Variants in GOLGB1 observed in about 807,000 individuals in gnomAD.
GOLGB1 encodes the protein golgin B1, also known as golgin subfamily B member 1.
Under a neutral mutation model 336.9 loss-of-function variants are expected in GOLGB1, and 174 were observed. The observed-to-expected ratio is 0.52, with a 90% CI of 0.46 to 0.59. The LOEUF (loss-of-function observed/expected upper bound fraction) is 0.59. Ranked by LOEUF, GOLGB1 falls within the 20% of genes least tolerant of loss-of-function variation. The pLI is 0.00. For synonymous variants in GOLGB1, 1,208 were observed against 1,289.2 expected (o/e 0.94, Z 1.35); for missense variants, 3,331 against 3,645.3 (o/e 0.91, Z 2.22).
At position 121,730,737 on chromosome 3, in the gene GOLGB1, T is replaced by C. The variant is rs189703268; in HGVS notation, c.96+139A>G. 414 of 776,194 alleles carry C rather than the reference T, an allele frequency of 5.3e-4. 2 individuals carry two copies. The African/African-American group carries it at 6.8e-3, about 13-fold the overall frequency. The allele number at this position is 776,194 out of a possible 1,614,324, so 48.1% of individuals were successfully genotyped here. A position where few individuals can be genotyped will look rare whatever the true frequency, so the allele number is the denominator to read the frequency against. ...AAACTTACAAGAGAAGGATCACTTA[T>C]AAAATTTCAATATTTTTCTTAATCC... On this transcript the variant is annotated intron_variant, in intron 2 of 21. Transcript: ENST00000614479.
chr3:121,708,494 A>T (rs574613649), intron 10 of GOLGB1, among the ~76,000 whole-genome samples: 28 of 152,096 alleles, frequency 1.8e-4, no homozygotes, highest in Admixed American at 4.6e-4. Flanking sequence ...TTTGCCAGGC[A>T]TGGTGGCACA....
chr3:121,688,184 C>G (rs1454084496), intron 14 of GOLGB1, among the ~76,000 whole-genome samples: 2 of 152,142 alleles, frequency 1.3e-5, no homozygotes, highest in African/African-American at 4.8e-5. Flanking sequence ...CCCTCTCTCT[C>G]TCCCCATGGT....
intron 20 of GOLGB1, among the ~76,000 whole-genome samples, chr3:121,666,252 C>T (rs1162302976): frequency 6.6e-6 from 1 of 152,128 alleles, no homozygotes; most frequent in Non-Finnish European, 1.5e-5. Context: ...AATTAGCTAC[C>T]CCAACTTCCA....
chr3:121,744,937 G>A (rs903301820), intron 1 of GOLGB1, among the ~76,000 whole-genome samples: 2 of 152,182 alleles, frequency 1.3e-5, no homozygotes, highest in Non-Finnish European at 2.9e-5. Context: ...CTGCATCATA[G>A]TGAGTAAGTC....
chr3:121,696,251 T>G lies in GOLGB1; in HGVS notation c.4272A>C (p.Glu1424Asp), dbSNP rs754130998. Residue 1424 changes from glutamate to aspartate, a missense_variant, in exon 13 of 22, where the codon GAA becomes GAC. By Grantham distance (45) the Glu-to-Asp change is conservative. Transcript: ENST00000614479. ...SYLSGQLSEKEAALTKIQTEI... is the reference protein window; with the variant it reads ...SYLSGQLSEKDAALTKIQTEI... ...CTGTCTGTATTTTAGTGAGAGCTGC[T>G]TCTTTCTCACTAAGTTGTCCAGAAA... 1.2e-6 allele frequency: 2 copies of G among 1,613,990 alleles called. No homozygotes were observed. The highest frequency in any genetic ancestry group is 1.7e-5 in the Admixed American group (1 of 60,006).
intron 6 of GOLGB1, among the ~76,000 whole-genome samples, chr3:121,721,447 T>C (rs1399667574): frequency 6.6e-6 from 1 of 152,112 alleles, no homozygotes; most frequent in Non-Finnish European, 1.5e-5. Flanking sequence ...GGCAACATAT[T>C]GAGAACCTGT....
At chr3:121,676,049 A>G (rs1163001277) in intron 17 of GOLGB1, among the ~76,000 whole-genome samples, 1 of 152,238 alleles carries the variant, frequency 6.6e-6, no homozygotes, top group East Asian at 1.9e-4. Context: ...ATCTACCAAT[A>G]AAGAGTCTAC....
At position 121,722,337 on chromosome 3, in the gene GOLGB1, C is replaced by A; in HGVS notation, c.573G>T (p.Gln191His). Residue 191 changes from glutamine to histidine, a missense_variant, in exon 6 of 22, where the codon CAG becomes CAT. Physicochemically the swap from Gln to His is conservative, Grantham distance 24. Transcript: ENST00000614479. ...EMEEFVMMKQ[Q>H]LQEKEEFIST... ...TAATGAATTCTTCCTTCTCCTGGAG[C>A]TGTTGCTTCATCATTACAAATTCTT... 6.2e-7 allele frequency: 1 copy of A among 1,611,812 alleles called. No individual in the cohort carries two copies. Among genetic ancestry groups the A allele is most frequent in the Non-Finnish European group, 8.5e-7 (1 of 1,177,918 alleles).
At chr3:121,714,754 AC>A in intron 10 of GOLGB1, 106 bp downstream of exon 10, 1 of 759,520 alleles carries the variant, frequency 1.3e-6, no homozygotes, top group Admixed American at 2.5e-5. Flanking sequence ...GGCAGAAAAA[AC>A]AGAAGGTTTA....
chr3:121,691,574 G>A lies in GOLGB1; in HGVS notation c.7790C>T (p.Ala2597Val), dbSNP rs866765712. ...TAAATCTTGTTTCTCTTCTTGTAGG[G>A]CATTAAAGGACCTCCGCAGATCCTC... Reference protein sequence around the residue: ...ANEDLRRSFNALQEEKQDLSK... With the variant: ...ANEDLRRSFNVLQEEKQDLSK... Residue 2597 changes from alanine to valine, a missense_variant, in exon 14 of 22, where the codon GCC becomes GTC. Coordinates refer to ENST00000614479, the MANE Select transcript of GOLGB1 (RefSeq NM_001366282.2). The A allele has an allele frequency of 1.9e-6, 3 of 1,613,414 alleles. No individual in the cohort carries two copies. Among genetic ancestry groups the A allele is most frequent in the Non-Finnish European group, 2.5e-6 (3 of 1,179,746 alleles).
At chr3:121,739,542 A>T (rs1946710784) in intron 1 of GOLGB1, among the ~76,000 whole-genome samples, 1 of 152,152 alleles carries the variant, frequency 6.6e-6, no homozygotes, top group Non-Finnish European at 1.5e-5. Context: ...TTAAAAAATC[A>T]TTTTGGAAAT....
intron 20 of GOLGB1, among the ~76,000 whole-genome samples, chr3:121,665,849 G>A (rs926082250): frequency 3.9e-5 from 6 of 152,198 alleles, no homozygotes; most frequent in African/African-American, 1.4e-4. Flanking sequence ...TGGGCTCTCT[G>A]CAGGACACAT....
chr3:121,709,623 A>G (rs778779289), intron 10 of GOLGB1, among the ~76,000 whole-genome samples: 1 of 152,214 alleles, frequency 6.6e-6, no homozygotes, highest in Non-Finnish European at 1.5e-5. Context: ...ACTTAGAAAA[A>G]TGTTCAAAAA....
intron 14 of GOLGB1, among the ~76,000 whole-genome samples, chr3:121,684,010 C>T (rs1462999913): frequency 2.0e-5 from 3 of 151,228 alleles, no homozygotes; most frequent in African/African-American, 4.9e-5. Flanking sequence ...AGCCTATAGT[C>T]CCAGCTACTC....
chr3:121,692,394 C>A lies in GOLGB1; in HGVS notation c.6970G>T (p.Asp2324Tyr). The A allele has an allele frequency of 6.2e-7, 1 of 1,612,274 alleles. No individual in the cohort carries two copies. The highest frequency in any genetic ancestry group is 8.5e-7 in the Non-Finnish European group (1 of 1,179,568). Residue 2324 changes from aspartate (D) to tyrosine (Y), a missense_variant, in exon 14 of 22, where the codon GAC becomes TAC. Coordinates refer to ENST00000614479, the MANE Select transcript of GOLGB1 (RefSeq NM_001366282.2). ...GAGTTACTTAAATCAGTCAACTGGT[C>A]TTTGAGACTCTTAAGTTCTGATTCC... The part of the protein sequence containing the change: ...KLESELKSLK[D>Y]QLTDLSNSLE...
intron 14 of GOLGB1, among the ~76,000 whole-genome samples, chr3:121,684,127 C>CAAAAAA (rs61510295): frequency 2.8e-4 from 3 of 10,908 alleles, no homozygotes; most frequent in Admixed American, 1.2e-3. Flanking sequence ...GACGCCGTCT[C>CAAAAAA]AAAAAAAAAA....
Position 121,696,112 on chromosome 3 carries a change from G to C in GOLGB1, c.4411C>G (p.Gln1471Glu). The part of the protein sequence containing the change: ...QLQVELCEMK[Q>E]KPEEIGEESR... ...TCTTCTCCAATCTCTTCTGGTTTTTGCTTCATTTCACAAAGTTCCACCTGT... is the reference window on the plus strand; with the variant it reads ...TCTTCTCCAATCTCTTCTGGTTTTTCCTTCATTTCACAAAGTTCCACCTGT... The change falls in exon 13 of 22, where the codon CAA (glutamine) becomes GAA (glutamate). Residue 1471 changes from glutamine to glutamate, a missense_variant. Transcript: ENST00000614479. The C allele has an allele frequency of 6.2e-7, 1 of 1,613,762 alleles. No individual in the cohort carries two copies. The highest frequency in any genetic ancestry group is 8.5e-7 in the Non-Finnish European group (1 of 1,179,890).
At chr3:121,693,037 G>A (rs1942597125) in intron 13 of GOLGB1, among the ~76,000 whole-genome samples, 1 of 152,144 alleles carries the variant, frequency 6.6e-6, no homozygotes, top group African/African-American at 2.4e-5. Context: ...AGATTAAAAA[G>A]TGACAGAAAA....
rs765319871 is a variant in GOLGB1, at chr3:121,727,000, C to T, written c.444G>A (p.Lys148=). The T allele has an allele frequency of 1.3e-6, 2 of 1,599,048 alleles. No individual in the cohort carries two copies. The highest frequency in any genetic ancestry group is 3.4e-5 in the Admixed American group (2 of 59,376). ...SSTEEEMEIE[K]IKHKLQEKEE... ...CCTTCTCCTGGAGCTTATGTTTTAT[C>T]TTTTCTATTTCCATCTCTTCCTCTG... is the stretch of plus-strand genomic sequence containing the variant. Residue 148 remains lysine (K), a synonymous_variant, in exon 5 of 22, where the codon AAG becomes AAA. Coordinates refer to ENST00000614479, the MANE Select transcript of GOLGB1 (RefSeq NM_001366282.2).
Sources: allele counts gnomAD v4.1 joint callset (sites outside exome capture counted in the v4.1 genomes callset), GRCh38; gene constraint gnomAD v4.1.1; transcripts MANE v1.5; gene names NCBI Gene and HGNC (gene_info 2026-07-23, HGNC 2026-07-21).